The following NRG3 variants were observed in gnomAD, a reference collection of about 807,000 sequenced individuals.
The protein encoded by NRG3 is pro-neuregulin-3, membrane-bound isoform.
NRG3 carries 31 observed loss-of-function variants against 66.9 expected under a neutral mutation model. The observed-to-expected ratio is 0.46, with a 90% confidence interval of 0.35 to 0.63. The LOEUF is 0.63. Ranked by LOEUF, NRG3 falls within the 20% of genes least tolerant of loss-of-function variation. NRG3 has a pLI of 0.00. For missense variants in NRG3, 910 were observed against 878.9 expected (o/e 1.04, Z -0.45); for synonymous variants, 393 against 359.4 (o/e 1.09, Z -1.06).
intron 7 of NRG3, 106 bp from the exon 8 acceptor site, chr10:82,978,844 T>C (rs1234299415): frequency 1.7e-6 from 2 of 1,177,540 alleles, no homozygotes; most frequent in Non-Finnish European, 2.4e-6. Flanking sequence ...CTTTGAGAAT[T>C]TGGGGTGCAG....
intron 7 of NRG3, among the ~76,000 whole-genome samples, chr10:82,976,744 G>A (rs1192876192): frequency 2.0e-5 from 3 of 152,102 alleles, no homozygotes; most frequent in African/African-American, 7.2e-5. Flanking sequence ...ACGGCAGGGA[G>A]GACAGTGAGG....
At chr10:82,933,371 C>A (rs1847769044) in intron 4 of NRG3, among the ~76,000 whole-genome samples, 1 of 152,146 alleles carries the variant, frequency 6.6e-6, no homozygotes, top group Non-Finnish European at 1.5e-5. Flanking sequence ...TGCTGCACAA[C>A]CACTCAGGCA....
intron 3 of NRG3, among the ~76,000 whole-genome samples, chr10:82,757,970 G>T (rs1191656092): frequency 6.6e-6 from 1 of 151,882 alleles, no homozygotes; most frequent in African/African-American, 2.4e-5. Flanking sequence ...AAATATTTTT[G>T]TTCTCAGCCT....
At chr10:81,892,142 A>C (rs1378855885) in intron 1 of NRG3, among the ~76,000 whole-genome samples, 1 of 152,130 alleles carries the variant, frequency 6.6e-6, no homozygotes, top group Admixed American at 6.6e-5. Context: ...TTAAAAAAGA[A>C]TTCCATCCCC....
At chr10:82,837,872 A>G (rs934597685) in intron 3 of NRG3, among the ~76,000 whole-genome samples, 6 of 152,284 alleles carry the variant, frequency 3.9e-5, no homozygotes, top group African/African-American at 1.4e-4. Flanking sequence ...CACAGCTCCT[A>G]GGGAGTCATA....
At chr10:82,293,228 G>C (rs372174570) in intron 1 of NRG3, among the ~76,000 whole-genome samples, 1 of 152,064 alleles carries the variant, frequency 6.6e-6, no homozygotes, top group South Asian at 2.1e-4. Context: ...AAGTCAAGAA[G>C]ATCTGTACTT....
In NRG3 at chr10:82,237,570, AT is replaced by A. The variant is rs138746003; in HGVS notation, c.824-121159del. Among the ~76,000 whole-genome samples, 49 of 147,776 alleles carry A rather than the reference AT, an allele frequency of 3.3e-4. 1 individual carries two copies. Among genetic ancestry groups the A allele is most frequent in the East Asian group, 7.9e-4 (4 of 5,092 alleles). On this transcript the variant is annotated intron_variant, in intron 1 of 8. Coordinates refer to ENST00000372141, the MANE Select transcript of NRG3 (RefSeq NM_001010848.4). The stretch of plus-strand genomic sequence containing the variant: ...ATTCATATATGCTCAGACCCAGTGC[AT>A]TTTTTTTTTGCTATATAGTAGTGCT...
intron 1 of NRG3, among the ~76,000 whole-genome samples, chr10:82,015,614 C>T (rs891405491): frequency 5.9e-5 from 9 of 151,934 alleles, no homozygotes; most frequent in African/African-American, 9.6e-5. Context: ...CCTTTTTGCT[C>T]GGCACTTCTC....
At chr10:82,847,371 T>C (rs895907385) in intron 3 of NRG3, among the ~76,000 whole-genome samples, 2 of 152,200 alleles carry the variant, frequency 1.3e-5, no homozygotes, top group Non-Finnish European at 2.9e-5. Context: ...AGATATCAAG[T>C]AGGCAAATAG....
chr10:82,499,067 C>T lies in NRG3; in HGVS notation c.953+140199C>T, dbSNP rs142571559. On this transcript the variant is annotated intron_variant, in intron 2 of 8. Coordinates refer to ENST00000372141, the MANE Select transcript of NRG3 (RefSeq NM_001010848.4). ...TTTGAAAAGGAAATGCCATTAGACA[C>T]TGGTGGTTCTCAGTGGAAACACAAA... Among the ~76,000 whole-genome samples the T allele has an allele frequency of 5.8e-3, 887 of 152,182 alleles. 22 individuals are homozygous for T. Among genetic ancestry groups the T allele is most frequent in the Admixed American group, 0.01 (155 of 15,288 alleles).
At position 82,374,059 on chromosome 10, in the gene NRG3, A is replaced by G. The variant is rs1319732561; in HGVS notation, c.953+15191A>G. ...GGAACCTACCACCTACTCAGGAAAG[A>G]TAAACTGGATCAATGAAAAATACGC... On this transcript the variant is annotated intron_variant, in intron 2 of 8. Coordinates refer to ENST00000372141, the MANE Select transcript of NRG3 (RefSeq NM_001010848.4). 3.3e-5 allele frequency among the ~76,000 whole-genome samples: 5 copies of G among 152,326 alleles called. No homozygotes were observed. The East Asian group carries it at 9.7e-4, about 29-fold the overall frequency.
chr10:82,800,746 G>GTC (rs2061000468), intron 3 of NRG3, among the ~76,000 whole-genome samples: 1 of 152,196 alleles, frequency 6.6e-6, no homozygotes. Flanking sequence ...CAAGAGTTCA[G>GTC]TCTCAAATGC....
chr10:82,621,674 A>G (rs1394526737), intron 2 of NRG3, among the ~76,000 whole-genome samples: 1 of 152,212 alleles, frequency 6.6e-6, no homozygotes, highest in Non-Finnish European at 1.5e-5. Flanking sequence ...CATCTTCCTC[A>G]TAGACCTGAG....
chr10:82,769,870 A>G (rs532131906), intron 3 of NRG3, among the ~76,000 whole-genome samples: 1 of 152,262 alleles, frequency 6.6e-6, no homozygotes, highest in African/African-American at 2.4e-5. Context: ...AAGACCTGCA[A>G]GATTTCATTG....
At chr10:81,958,044 A>G (rs541139391) in intron 1 of NRG3, among the ~76,000 whole-genome samples, 1 of 152,264 alleles carries the variant, frequency 6.6e-6, no homozygotes, top group Non-Finnish European at 1.5e-5. Context: ...TAACACTTTT[A>G]TAATATGAAG....
intron 2 of NRG3, among the ~76,000 whole-genome samples, chr10:82,454,303 T>A (rs2091170719): frequency 6.6e-6 from 1 of 152,200 alleles, no homozygotes; most frequent in African/African-American, 2.4e-5. Context: ...TTTTACCTAT[T>A]TGTAATGGGT....
At chr10:82,189,174 T>C (rs1370813434) in intron 1 of NRG3, among the ~76,000 whole-genome samples, 2 of 152,176 alleles carry the variant, frequency 1.3e-5, no homozygotes, top group Non-Finnish European at 2.9e-5. Context: ...GAGTTCTGTT[T>C]TGATTTTTAA....
At chr10:82,482,773 G>T (rs1407048732) in intron 2 of NRG3, among the ~76,000 whole-genome samples, 2 of 152,176 alleles carry the variant, frequency 1.3e-5, no homozygotes, top group Non-Finnish European at 2.9e-5. Context: ...AGGCAATGAG[G>T]TTTTGTTAAT....
intron 1 of NRG3, among the ~76,000 whole-genome samples, chr10:82,081,377 T>A (rs1055952992): frequency 6.6e-6 from 1 of 152,174 alleles, no homozygotes; most frequent in Non-Finnish European, 1.5e-5. Context: ...GTCTCCTTTT[T>A]TTTTTCCAGT....
Sources: allele counts gnomAD v4.1 joint callset (sites outside exome capture counted in the v4.1 genomes callset), GRCh38; gene constraint gnomAD v4.1.1; transcripts MANE v1.5; gene names NCBI Gene and HGNC (gene_info 2026-07-23, HGNC 2026-07-21).